Variants in SLC16A13 observed in about 807,000 individuals in gnomAD.
The protein encoded by SLC16A13 is monocarboxylate transporter 13.
In SLC16A13, 28 loss-of-function variants were observed where a neutral mutation model predicts 28.1. The observed-to-expected ratio is 1.00, with a 90% CI of 0.74 to 1.37. The LOEUF (loss-of-function observed/expected upper bound fraction) is 1.37, where lower values mean the gene tolerates loss of function less well. Ranked by LOEUF, SLC16A13 falls within the 40% of genes most tolerant of loss-of-function variation. The pLI is 0.00. For synonymous variants in SLC16A13, 228 were observed against 241.6 expected (o/e 0.94, Z 0.52); for missense variants, 482 against 531.8 (o/e 0.91, Z 0.92).
rs1910678979 is a variant in SLC16A13 at position 7,039,954 on chromosome 17, GA to G, written c.1274del (p.Glu425GlyfsTer?). 1.2e-6 allele frequency: 2 copies of G among 1,613,426 alleles called. No individual in the cohort carries two copies. Among genetic ancestry groups the G allele is most frequent in the Non-Finnish European group, 1.7e-6 (2 of 1,179,970 alleles). On this transcript the variant is annotated frameshift_variant, in exon 4 of 4. Coordinates refer to ENST00000308027, the MANE Select transcript of SLC16A13 (RefSeq NM_201566.3). LOFTEE classifies it high-confidence loss of function. The surrounding 1 kb of genome is among the most constrained non-coding windows in gnomAD (Gnocchi z 4.3). ...KVPLPKEGLE[E>X]D ...TCCCCTACCCAAGGAGGGGCTGGAAGAGGACTGAACTCCACAGAGTCAGGCC... is the reference window on the plus strand; with the variant it reads ...TCCCCTACCCAAGGAGGGGCTGGAAGGGACTGAACTCCACAGAGTCAGGCC...
chr17:7,038,604 C>G lies in SLC16A13; in HGVS notation c.796C>G (p.Arg266Gly). 1 of 1,614,180 alleles carries G rather than the reference C, an allele frequency of 6.2e-7. No homozygotes were observed. Among genetic ancestry groups the G allele is most frequent in the Non-Finnish European group, 8.5e-7 (1 of 1,180,036 alleles). Residue 266 changes from arginine (R) to glycine (G), a missense_variant, in exon 3 of 4, where the codon CGT becomes GGT. By Grantham distance (125) the Arg-to-Gly change is moderately radical (BLOSUM62 -2). Coordinates refer to ENST00000308027, the MANE Select transcript of SLC16A13 (RefSeq NM_201566.3). The surrounding 1 kb of genome is among the most constrained non-coding windows in gnomAD (Gnocchi z 5.7). ...TGTTGCTATTTCTGACCTCGTGGGG[C>G]GTGTGGTCTCCGGATGGCTGGGAGA... The part of the protein sequence containing the change: ...SVVAISDLVG[R>G]VVSGWLGDAV...
In SLC16A13 at chr17:7,036,819, T is replaced by C; in HGVS notation, c.292T>C (p.Ser98Pro). Residue 98 changes from serine (S) to proline (P), a missense_variant, in exon 2 of 4, where the codon TCT becomes CCT. By Grantham distance (74) the Ser-to-Pro change is moderately conservative. Coordinates refer to ENST00000308027, the MANE Select transcript of SLC16A13 (RefSeq NM_201566.3). ...ILAALGMLLA[S>P]FATSLTHLYL... ...GGCTGCGCTGGGGATGCTGCTCGCCTCTTTTGCTACTTCCTTGACCCACCT... is the reference window on the plus strand; with the variant it reads ...GGCTGCGCTGGGGATGCTGCTCGCCCCTTTTGCTACTTCCTTGACCCACCT... The C allele has an allele frequency of 1.2e-6, 2 of 1,613,920 alleles. No individual in the cohort carries two copies. Among genetic ancestry groups the C allele is most frequent in the Non-Finnish European group, 8.5e-7 (1 of 1,180,036 alleles).
intron 1 of SLC16A13, 53 bp downstream of exon 1, chr17:7,036,634 A>G (rs1485790660): frequency 6.2e-7 from 1 of 1,609,736 alleles, no homozygotes; most frequent in African/African-American, 1.3e-5. Context: ...GGGAGAGGGA[A>G]TGCGGCGACT....
chr17:7,038,369 TCTC>T lies in SLC16A13; in HGVS notation c.566_568del (p.Leu189del). Reference sequence around the variant, plus strand: ...CCCTCCACCTAGTGGCCTGTGGTGCTCTCCTCCGCCCACCCTCCCTGGCTGAGG... The same window carrying T: ...CCCTCCACCTAGTGGCCTGTGGTGCTCTCCGCCCACCCTCCCTGGCTGAGG... On this transcript the variant is annotated inframe_deletion, in exon 3 of 4. Coordinates refer to ENST00000308027, the MANE Select transcript of SLC16A13 (RefSeq NM_201566.3). The surrounding 1 kb of genome is among the most constrained non-coding windows in gnomAD (Gnocchi z 5.7). 6.2e-7 allele frequency: 1 copy of T among 1,614,026 alleles called. No homozygotes were observed. Among genetic ancestry groups the T allele is most frequent in the East Asian group, 2.2e-5 (1 of 44,874 alleles).
Position 7,038,475 on chromosome 17 carries a change from C to G in SLC16A13, c.667C>G (p.Leu223Val). 1 of 1,614,150 alleles carries G rather than the reference C, an allele frequency of 6.2e-7. No individual in the cohort carries two copies. Among genetic ancestry groups the G allele is most frequent in the Non-Finnish European group, 8.5e-7 (1 of 1,180,034 alleles). ...HGPFLRYTVA[L>V]TLINTGYFIP... Reference sequence around the variant, plus strand: ...CCCCTTCCTCCGTTACACTGTTGCCCTCACCCTGATCAACACTGGCTACTT... The same window carrying G: ...CCCCTTCCTCCGTTACACTGTTGCCGTCACCCTGATCAACACTGGCTACTT... Residue 223 changes from leucine to valine, a missense_variant, in exon 3 of 4, where the codon CTC becomes GTC. By Grantham distance (32) the Leu-to-Val change is conservative (BLOSUM62 1). Coordinates refer to ENST00000308027, the MANE Select transcript of SLC16A13 (RefSeq NM_201566.3). The surrounding 1 kb of genome is among the most constrained non-coding windows in gnomAD (Gnocchi z 5.7).
At position 7,039,948 on chromosome 17, in the gene SLC16A13, C is replaced by T. The variant is rs560435670; in HGVS notation, c.1267C>T (p.Leu423=). Residue 423 remains leucine, a synonymous_variant, in exon 4 of 4, where the codon CTG becomes TTG. Transcript: ENST00000308027. This position sits in a 1 kb window ranked among gnomAD's most constrained non-coding sequence, Gnocchi z 4.3. Reference sequence around the variant, plus strand: ...TAAAGTTCCCCTACCCAAGGAGGGGCTGGAAGAGGACTGAACTCCACAGAG... The same window carrying T: ...TAAAGTTCCCCTACCCAAGGAGGGGTTGGAAGAGGACTGAACTCCACAGAG... ...DTKVPLPKEG[L]EED is the part of the protein sequence containing the mutation. The T allele has an allele frequency of 6.2e-7, 1 of 1,613,574 alleles. No individual in the cohort carries two copies. The highest frequency in any genetic ancestry group is 1.7e-5 in the Admixed American group (1 of 60,014).
At position 7,036,282 on chromosome 17, in the gene SLC16A13, C is replaced by A; in HGVS notation, c.-101C>A. On this transcript the variant is annotated 5_prime_UTR_variant, in exon 1 of 4. Transcript: ENST00000308027. ...TACCTGCCTCTCCAACCCCTCTCGGCCCCGAGCCACCCGGCAGCGGGGGTG... is the reference window on the plus strand; with the variant it reads ...TACCTGCCTCTCCAACCCCTCTCGGACCCGAGCCACCCGGCAGCGGGGGTG... The A allele has an allele frequency of 7.8e-7, 1 of 1,285,156 alleles. No individual in the cohort carries two copies. Among genetic ancestry groups the A allele is most frequent in the Non-Finnish European group, 1.1e-6 (1 of 931,776 alleles). 79.6% of individuals were successfully genotyped at this position (1,285,156 alleles called of 1,614,324 possible).
rs1442544847 is a variant in SLC16A13, at chr17:7,036,829, C to T, written c.302C>T (p.Thr101Ile). The change falls in exon 2 of 4, where the codon ACT becomes ATT. Residue 101 changes from threonine (T) to isoleucine (I), a missense_variant. By Grantham distance (89) the Thr-to-Ile change is moderately conservative. Transcript: ENST00000308027. The part of the protein sequence containing the change: ...ALGMLLASFA[T>I]SLTHLYLSIG... ...GGGATGCTGCTCGCCTCTTTTGCTACTTCCTTGACCCACCTATACCTGAGT... is the reference window on the plus strand; with the variant it reads ...GGGATGCTGCTCGCCTCTTTTGCTATTTCCTTGACCCACCTATACCTGAGT... 6.2e-7 allele frequency: 1 copy of T among 1,613,784 alleles called. No individual in the cohort carries two copies. Among genetic ancestry groups the T allele is most frequent in the Non-Finnish European group, 8.5e-7 (1 of 1,180,048 alleles).
chr17:7,038,917 G>A lies in SLC16A13; in HGVS notation c.1081+28G>A, dbSNP rs1203422447. 1.3e-6 allele frequency: 2 copies of A among 1,578,942 alleles called. No individual in the cohort carries two copies. The highest frequency in any genetic ancestry group is 1.8e-5 in the Admixed American group (1 of 55,540). The stretch of plus-strand genomic sequence containing the variant: ...AAGTGGAATGGGGTTCCCAGGGGGT[G>A]AGGGCTGCCATGTTGCACAACTAGG... On this transcript the variant is annotated intron_variant, in intron 3 of 3. Coordinates refer to ENST00000308027, the MANE Select transcript of SLC16A13 (RefSeq NM_201566.3). The surrounding 1 kb of genome is among the most constrained non-coding windows in gnomAD (Gnocchi z 5.7).
intron 2 of SLC16A13, 67 bp downstream of exon 2, chr17:7,036,937 T>G: frequency 3.2e-6 from 5 of 1,577,032 alleles, no homozygotes; most frequent in Non-Finnish European, 4.3e-6. Context: ...TCCTTCCTGC[T>G]CCTTCCAAAG....
At position 7,036,356 on chromosome 17, in the gene SLC16A13, G is replaced by T. The variant is rs749585531; in HGVS notation, c.-27G>T. On this transcript the variant is annotated 5_prime_UTR_variant, in exon 1 of 4. Coordinates refer to ENST00000308027, the MANE Select transcript of SLC16A13 (RefSeq NM_201566.3). ...GAACCCGGCTCCTGCAGAGGCTCTG[G>T]GTGGCAGCAGCCCTGTTACCGCTTA... 8.2e-6 allele frequency: 13 copies of T among 1,589,356 alleles called. No homozygotes were observed. The highest frequency in any genetic ancestry group is 1.0e-5 in the Non-Finnish European group (12 of 1,168,208).
rs747726476 is a variant in SLC16A13 at position 7,036,759 on chromosome 17, G to C, written c.232G>C (p.Gly78Arg). 2.0e-5 allele frequency: 33 copies of C among 1,613,420 alleles called. No individual in the cohort carries two copies. The East Asian group carries it at 3.8e-4, about 19-fold the overall frequency. The change falls in exon 2 of 4, where the codon GGG (glycine) becomes CGG (arginine). Residue 78 changes from glycine (G) to arginine (R), a missense_variant. Gly to Arg is a moderately radical substitution (Grantham distance 125). Transcript: ENST00000308027. ...AGGCAGTGCCCTGAGCACGAAGTTC[G>C]GGCCCAGGCCCGTGGTGATGACTGG... Reference protein sequence around the residue: ...PVGSALSTKFGPRPVVMTGGI... With the variant: ...PVGSALSTKFRPRPVVMTGGI...
In SLC16A13 at chr17:7,038,617, G is replaced by A. The variant is rs2151668856; in HGVS notation, c.809G>A (p.Gly270Glu). Residue 270 changes from glycine (G) to glutamate (E), a missense_variant, in exon 3 of 4, where the codon GGA (glycine) becomes GAA (glutamate). Coordinates refer to ENST00000308027, the MANE Select transcript of SLC16A13 (RefSeq NM_201566.3). The surrounding 1 kb of genome is among the most constrained non-coding windows in gnomAD (Gnocchi z 5.7). ...GACCTCGTGGGGCGTGTGGTCTCCG[G>A]ATGGCTGGGAGATGCAGTCCCAGGG... is the stretch of plus-strand genomic sequence containing the variant. ...ISDLVGRVVS[G>E]WLGDAVPGPV... The A allele has an allele frequency of 1.2e-6, 2 of 1,614,144 alleles. No homozygotes were observed. Among genetic ancestry groups the A allele is most frequent in the East Asian group, 4.5e-5 (2 of 44,884 alleles).
At position 7,039,820 on chromosome 17, in the gene SLC16A13, T is replaced by G. The variant is rs1910674002; in HGVS notation, c.1139T>G (p.Phe380Cys). ...GCTTCTTTTGTGGTGGCTGGGGCCT[T>G]CCTTCTTTCAGGGAGTGGCATTCTC... ...YTASFVVAGA[F>C]LLSGSGILLT... Residue 380 changes from phenylalanine (F) to cysteine (C), a missense_variant, in exon 4 of 4, where the codon TTC (phenylalanine) becomes TGC (cysteine). Transcript: ENST00000308027. The surrounding 1 kb of genome is among the most constrained non-coding windows in gnomAD (Gnocchi z 4.3). 3 of 1,614,188 alleles carry G rather than the reference T, an allele frequency of 1.9e-6. No individual in the cohort carries two copies. The highest frequency in any genetic ancestry group is 2.5e-6 in the Non-Finnish European group (3 of 1,180,026).
In SLC16A13 at chr17:7,038,177, T is replaced by C. The variant is rs776910138; in HGVS notation, c.369T>C (p.Ala123=). The change falls in exon 3 of 4, where the codon GCT becomes GCC. Residue 123 remains alanine (A), a synonymous_variant. Transcript: ENST00000308027. This position sits in a 1 kb window ranked among gnomAD's most constrained non-coding sequence, Gnocchi z 5.7. The stretch of plus-strand genomic sequence containing the variant: ...GCTCTGGCTGGGCTTTGACCTTCGC[T>C]CCGACCCTGGCCTGCCTGTCCTGTT... ...LSGSGWALTF[A]PTLACLSCYF... The C allele has an allele frequency of 2.7e-5, 43 of 1,613,574 alleles. No homozygotes were observed. Among genetic ancestry groups the C allele is most frequent in the Admixed American group, 6.7e-5 (4 of 60,000 alleles).
chr17:7,039,822 C>G lies in SLC16A13; in HGVS notation c.1141C>G (p.Leu381Val). 1.9e-6 allele frequency: 3 copies of G among 1,614,178 alleles called. No homozygotes were observed. Among genetic ancestry groups the G allele is most frequent in the Non-Finnish European group, 2.5e-6 (3 of 1,180,036 alleles). Residue 381 changes from leucine to valine, a missense_variant, in exon 4 of 4, where the codon CTT (leucine) becomes GTT (valine). By Grantham distance (32) the Leu-to-Val change is conservative. Transcript: ENST00000308027. This position sits in a 1 kb window ranked among gnomAD's most constrained non-coding sequence, Gnocchi z 4.3. ...TASFVVAGAF[L>V]LSGSGILLTL... is the part of the protein sequence containing the mutation. ...TTCTTTTGTGGTGGCTGGGGCCTTC[C>G]TTCTTTCAGGGAGTGGCATTCTCCT...
In SLC16A13 at chr17:7,037,941, T is replaced by C. The variant is rs113540082; in HGVS notation, c.344-211T>C. Among the ~76,000 whole-genome samples the C allele has an allele frequency of 5.5e-3, 841 of 152,288 alleles. 8 individuals carry two copies. The highest frequency in any genetic ancestry group is 0.017 in the African/African-American group (716 of 41,558). On this transcript the variant is annotated intron_variant, in intron 2 of 3. Coordinates refer to ENST00000308027, the MANE Select transcript of SLC16A13 (RefSeq NM_201566.3). ...ATCTTCCACAATCCCAAAAAGTGTA[T>C]TATTACATTTTGCAGTTGAGAAGGT...
rs752105294 is a variant in SLC16A13, at chr17:7,036,401, C to A, written c.19C>A (p.Pro7Thr). ...CGCTTAGATGGCGCGCAGGACAGAG[C>A]CCCCCGACGGGGGCTGGGGATGGGT... MARRTE[P>T]PDGGWGWVVV... The change falls in exon 1 of 4, where the codon CCC becomes ACC. Residue 7 changes from proline to threonine, a missense_variant. Physicochemically the swap from Pro to Thr is conservative, Grantham distance 38. Coordinates refer to ENST00000308027, the MANE Select transcript of SLC16A13 (RefSeq NM_201566.3). 1 of 1,611,220 alleles carries A rather than the reference C, an allele frequency of 6.2e-7. No homozygotes were observed. Among genetic ancestry groups the A allele is most frequent in the Non-Finnish European group, 8.5e-7 (1 of 1,179,668 alleles).
chr17:7,039,475 A>AG lies in SLC16A13; in HGVS notation c.1082-287dup, dbSNP rs1910667318. On this transcript the variant is annotated intron_variant, in intron 3 of 3. Coordinates refer to ENST00000308027, the MANE Select transcript of SLC16A13 (RefSeq NM_201566.3). This position sits in a 1 kb window ranked among gnomAD's most constrained non-coding sequence, Gnocchi z 4.3. The stretch of plus-strand genomic sequence containing the variant: ...ACTCCGTCTCAAAAAAAAAAAAAAA[A>AG]GAAAGGCCACAGTTGCCAGAAAGAA... Among the ~76,000 whole-genome samples, 1 of 151,732 alleles carries AG rather than the reference A, an allele frequency of 6.6e-6. No homozygotes were observed. Among genetic ancestry groups the AG allele is most frequent in the Non-Finnish European group, 1.5e-5 (1 of 67,938 alleles).
Sources: allele counts gnomAD v4.1 joint callset (sites outside exome capture counted in the v4.1 genomes callset), GRCh38; gene constraint gnomAD v4.1.1; non-coding constraint Gnocchi (gnomAD v3.1); transcripts MANE v1.5; gene names NCBI Gene and HGNC (gene_info 2026-07-23, HGNC 2026-07-21).